Variants in ZNF423 observed in about 807,000 individuals in gnomAD.
The protein encoded by ZNF423 is Ebf-associated zinc finger protein.
A neutral mutation model predicts 95.8 loss-of-function variants in ZNF423; 12 were observed. That is an observed-to-expected ratio of 0.13 (90% confidence interval 0.08 to 0.20). ZNF423 has a LOEUF of 0.20. Ranked by LOEUF, ZNF423 falls within the 10% of genes least tolerant of loss-of-function variation. The pLI is 1.00. For synonymous variants in ZNF423, 749 were observed against 711.9 expected (o/e 1.05, Z -0.83); for missense variants, 1,316 against 1,737.1 (o/e 0.76, Z 4.31).
intron 5 of ZNF423, among the ~76,000 whole-genome samples, chr16:49,569,080 T>C (rs1473672868): frequency 6.6e-6 from 1 of 152,190 alleles, no homozygotes. Flanking sequence ...CTACTGCGCA[T>C]GCCACTGGTG....
chr16:49,622,612 C>T (rs1039420548), intron 5 of ZNF423, among the ~76,000 whole-genome samples: 1 of 152,246 alleles, frequency 6.6e-6, no homozygotes, highest in African/African-American at 2.4e-5. Context: ...CAGTTACCTG[C>T]ATGCCCATCA....
intron 2 of ZNF423, among the ~76,000 whole-genome samples, chr16:49,768,743 C>A (rs1427876097): frequency 2.0e-5 from 3 of 150,712 alleles, no homozygotes; most frequent in Admixed American, 1.3e-4. Flanking sequence ...GCTCACCCCC[C>A]AGTGGGTGCA....
chr16:49,655,235 A>T (rs2029865473), intron 3 of ZNF423, among the ~76,000 whole-genome samples: 1 of 152,164 alleles, frequency 6.6e-6, no homozygotes, highest in Admixed American at 6.5e-5. Flanking sequence ...TCAAGACCTT[A>T]AATACCAAGC....
intron 5 of ZNF423, among the ~76,000 whole-genome samples, chr16:49,533,483 CA>C (rs1968933672): frequency 6.6e-6 from 1 of 152,196 alleles, no homozygotes; most frequent in Admixed American, 6.5e-5. Flanking sequence ...CTCTGAAACT[CA>C]AATCAGAAGA....
At chr16:49,724,025 G>A (rs750212805) in intron 3 of ZNF423, among the ~76,000 whole-genome samples, 11 of 152,150 alleles carry the variant, frequency 7.2e-5, no homozygotes, top group African/African-American at 2.7e-4. Context: ...TATAAATTCA[G>A]CACATCCATT....
At chr16:49,564,373 G>A (rs1017024584) in intron 5 of ZNF423, among the ~76,000 whole-genome samples, 1 of 152,150 alleles carries the variant, frequency 6.6e-6, no homozygotes, top group African/African-American at 2.4e-5. Context: ...TAAGGATGGG[G>A]GTGTGCTAGA....
At chr16:49,680,349 G>T (rs1044406541) in intron 3 of ZNF423, among the ~76,000 whole-genome samples, 4 of 152,254 alleles carry the variant, frequency 2.6e-5, no homozygotes, top group Non-Finnish European at 5.9e-5. Flanking sequence ...CTCTCCAGTT[G>T]TCTGCATACC....
intron 5 of ZNF423, among the ~76,000 whole-genome samples, chr16:49,554,532 G>C (rs1325368903): frequency 6.6e-6 from 1 of 151,922 alleles, no homozygotes; most frequent in African/African-American, 2.4e-5. Flanking sequence ...GAGCACCCAG[G>C]GTGTCTCCAG....
At chr16:49,518,058 G>A in intron 7 of ZNF423, 1 of 451,778 alleles carries the variant, frequency 2.2e-6, no homozygotes, top group South Asian at 1.6e-5. Flanking sequence ...CTCACAATCT[G>A]GAGGAGCATA....
intron 2 of ZNF423, among the ~76,000 whole-genome samples, chr16:49,775,044 C>T (rs2034098033): frequency 6.6e-6 from 1 of 152,176 alleles, no homozygotes. Flanking sequence ...AGACGCAGCC[C>T]AGCAAAGGCA....
chr16:49,496,562 C>T (rs1018175901), intron 7 of ZNF423, among the ~76,000 whole-genome samples: 2 of 152,190 alleles, frequency 1.3e-5, no homozygotes, highest in African/African-American at 4.8e-5. Flanking sequence ...GCCTTGCTTC[C>T]TGTACAGCCT....
chr16:49,716,651 G>A (rs1353390407), intron 3 of ZNF423, among the ~76,000 whole-genome samples: 1 of 152,146 alleles, frequency 6.6e-6, no homozygotes. Context: ...TTAGACCAGT[G>A]CCAGAGTTAA....
intron 5 of ZNF423, among the ~76,000 whole-genome samples, chr16:49,624,135 T>C (rs571518850): frequency 6.6e-6 from 1 of 152,232 alleles, no homozygotes; most frequent in Non-Finnish European, 1.5e-5. Flanking sequence ...TTTATATACA[T>C]ATTTACACAT....
intron 5 of ZNF423, among the ~76,000 whole-genome samples, chr16:49,611,361 T>C (rs1971715270): frequency 6.6e-6 from 1 of 151,896 alleles, no homozygotes; most frequent in South Asian, 2.1e-4. Context: ...CAGGAAAGCC[T>C]CCAAACAATA....
intron 7 of ZNF423, among the ~76,000 whole-genome samples, chr16:49,515,507 C>T (rs1968095999): frequency 6.6e-6 from 1 of 152,212 alleles, no homozygotes; most frequent in African/African-American, 2.4e-5. Context: ...GCAAATGACC[C>T]TCGGCAAACC....
Position 49,635,656 on chromosome 16 carries a change from T to C in ZNF423, c.3516+4A>G, listed in dbSNP as rs1972662103. On this transcript the variant is annotated splice_donor_region_variant and intron_variant, in intron 4 of 7. Transcript: ENST00000563137. The surrounding 1 kb of genome is among the most constrained non-coding windows in gnomAD (Gnocchi z 4.8). The stretch of plus-strand genomic sequence containing the variant: ...GGGAGCAGGATGAGGTGGACTGCAC[T>C]TACCCGGGGCACTGGCGATGTCTGG... 11 of 1,558,936 alleles carry C rather than the reference T, an allele frequency of 7.1e-6. No homozygotes were observed. The highest frequency in any genetic ancestry group is 3.5e-4 in the Middle Eastern group (2 of 5,766).
intron 5 of ZNF423, among the ~76,000 whole-genome samples, chr16:49,574,521 TGGA>T (rs1176264633): frequency 6.6e-6 from 1 of 152,204 alleles, no homozygotes; most frequent in Admixed American, 6.5e-5. Flanking sequence ...GGACTCTACT[TGGA>T]GAACCACTGA....
At position 49,636,841 on chromosome 16, in the gene ZNF423, G is replaced by A. The variant is rs1426138385; in HGVS notation, c.2335C>T (p.His779Tyr). ...TTGGCCGGGTTGCCCAGGTGGCTGTGTTTGACGTGCACCTGCAGGTCAGCC... is the reference window on the plus strand; with the variant it reads ...TTGGCCGGGTTGCCCAGGTGGCTGTATTTGACGTGCACCTGCAGGTCAGCC... ...KEADLQVHVK[H>Y]SHLGNPAKAH... Residue 779 changes from histidine (H) to tyrosine (Y), a missense_variant, in exon 4 of 8, where the codon CAC becomes TAC. By Grantham distance (83) the His-to-Tyr change is moderately conservative. Transcript: ENST00000563137. The surrounding 1 kb of genome is among the most constrained non-coding windows in gnomAD (Gnocchi z 8.6). 2 of 1,614,090 alleles carry A rather than the reference G, an allele frequency of 1.2e-6. No homozygotes were observed. The highest frequency in any genetic ancestry group is 3.3e-5 in the Admixed American group (2 of 60,030).
intron 3 of ZNF423, among the ~76,000 whole-genome samples, chr16:49,721,037 A>G (rs1212069469): frequency 3.9e-5 from 6 of 152,228 alleles, no homozygotes; most frequent in African/African-American, 1.4e-4. Flanking sequence ...TGGAGCCTGG[A>G]GGTGCTGGGG....
Sources: allele counts gnomAD v4.1 joint callset (sites outside exome capture counted in the v4.1 genomes callset), GRCh38; gene constraint gnomAD v4.1.1; non-coding constraint Gnocchi (gnomAD v3.1); transcripts MANE v1.5; gene names NCBI Gene and HGNC (gene_info 2026-07-23, HGNC 2026-07-21).